Variants in LRBA observed in about 807,000 individuals in gnomAD.
LRBA encodes the protein lipopolysaccharide-responsive and beige-like anchor protein.
LRBA carries 176 observed loss-of-function variants against 330.0 expected under a neutral mutation model. That is an observed-to-expected ratio of 0.53 (90% CI 0.47 to 0.60). The LOEUF is 0.60. Ranked by LOEUF, LRBA falls within the 20% of genes least tolerant of loss-of-function variation. The probability of loss-of-function intolerance (pLI) is 0.00; values close to 1 mark genes in which losing one functional copy is unlikely to be tolerated. For missense variants in LRBA, 3,259 were observed against 3,444.8 expected (o/e 0.95, Z 1.35); for synonymous variants, 1,230 against 1,193.0 (o/e 1.03, Z -0.64).
chr4:150,392,662 T>C (rs1423224924), intron 47 of LRBA, among the ~76,000 whole-genome samples: 1 of 152,102 alleles, frequency 6.6e-6, no homozygotes, highest in African/African-American at 2.4e-5. Context: ...CTTGTGATTT[T>C]TGCACATCAA....
chr4:150,631,749 A>G (rs1777399317), intron 37 of LRBA, among the ~76,000 whole-genome samples: 1 of 152,228 alleles, frequency 6.6e-6, no homozygotes, highest in African/African-American at 2.4e-5. Context: ...TACTGATGCC[A>G]TTAATAAAAA....
chr4:150,427,499 T>C (rs1270507683), intron 46 of LRBA, among the ~76,000 whole-genome samples: 1 of 151,790 alleles, frequency 6.6e-6, no homozygotes, highest in Non-Finnish European at 1.5e-5. Context: ...ATAAGTTACG[T>C]ATAAAAAGCA....
chr4:150,828,817 T>TA (rs1368169315), intron 29 of LRBA, among the ~76,000 whole-genome samples, 196 bp from the exon 30 acceptor site: 2 of 152,002 alleles, frequency 1.3e-5, no homozygotes, highest in Non-Finnish European at 2.9e-5. Flanking sequence ...GATGGTATAA[T>TA]AAAATAAATA....
intron 34 of LRBA, among the ~76,000 whole-genome samples, chr4:150,774,434 T>C (rs894137278): frequency 6.6e-5 from 10 of 152,162 alleles, no homozygotes; most frequent in African/African-American, 2.2e-4. Flanking sequence ...CTATCTCTTT[T>C]CCCTCTCGAT....
chr4:150,625,121 C>T (rs1311871123), intron 37 of LRBA, among the ~76,000 whole-genome samples: 1 of 152,140 alleles, frequency 6.6e-6, no homozygotes, highest in East Asian at 1.9e-4. Flanking sequence ...AGTGCTATTA[C>T]TTTAGAACAA....
intron 34 of LRBA, among the ~76,000 whole-genome samples, chr4:150,787,676 T>C (rs1181431815): frequency 4.6e-5 from 7 of 152,192 alleles, no homozygotes; most frequent in Admixed American, 3.9e-4. Flanking sequence ...AATCTAATTA[T>C]ACTTTTTTCA....
At chr4:150,522,410 A>G (rs1763016017) in intron 40 of LRBA, among the ~76,000 whole-genome samples, 1 of 152,236 alleles carries the variant, frequency 6.6e-6, no homozygotes, top group South Asian at 2.1e-4. Flanking sequence ...ATGTGACAAT[A>G]TTAGTATGAA....
intron 30 of LRBA, among the ~76,000 whole-genome samples, chr4:150,822,673 G>C (rs1432502642): frequency 6.6e-6 from 1 of 152,124 alleles, no homozygotes; most frequent in East Asian, 1.9e-4. Context: ...ACGATCCCTT[G>C]ATCCCATGAG....
intron 30 of LRBA, among the ~76,000 whole-genome samples, chr4:150,821,831 A>G: frequency 6.6e-6 from 1 of 152,178 alleles, no homozygotes; most frequent in East Asian, 1.9e-4. Flanking sequence ...TGGCATGGGA[A>G]TGAACACAAA....
chr4:150,758,809 A>C (rs1734678168), intron 35 of LRBA, among the ~76,000 whole-genome samples: 1 of 149,138 alleles, frequency 6.7e-6, no homozygotes, highest in Non-Finnish European at 1.5e-5. Flanking sequence ...TCTTGGGCTC[A>C]AGCGATCCTC....
At chr4:150,733,973 G>C (rs1730856843) in intron 36 of LRBA, among the ~76,000 whole-genome samples, 1 of 152,010 alleles carries the variant, frequency 6.6e-6, no homozygotes, top group Admixed American at 6.6e-5. Context: ...TTCTTTACTA[G>C]CATTTATATT....
In LRBA at chr4:151,003,312, G is replaced by A. The variant is rs149967969; in HGVS notation, c.216+11115C>T. On this transcript the variant is annotated intron_variant, in intron 2 of 56. Transcript: ENST00000651943. ...CTTGGGAGGCTGAGGCAGAAGGATC[G>A]CTTGAACCTGGGAGGCGAAGGTTAC... 5.1e-4 allele frequency among the ~76,000 whole-genome samples: 76 copies of A among 150,008 alleles called. No homozygotes were observed. In the East Asian group the frequency reaches 0.012, roughly 23 times the overall value.
intron 36 of LRBA, among the ~76,000 whole-genome samples, chr4:150,690,558 G>GA (rs1784036385): frequency 6.7e-6 from 1 of 148,752 alleles, no homozygotes; most frequent in Non-Finnish European, 1.5e-5. Context: ...AAAGTTGTAA[G>GA]ACTTCACACC....
intron 17 of LRBA, among the ~76,000 whole-genome samples, chr4:150,882,428 T>G (rs1332904919): frequency 1.3e-5 from 2 of 152,168 alleles, no homozygotes; most frequent in East Asian, 3.8e-4. Context: ...TCAATGAAAT[T>G]TATATATTTA....
chr4:150,955,797 C>T (rs991040874), intron 2 of LRBA, among the ~76,000 whole-genome samples: 1 of 148,082 alleles, frequency 6.8e-6, no homozygotes, highest in East Asian at 1.9e-4. Context: ...GAGGCTGAGA[C>T]AGGAGAATCA....
chr4:150,953,685 G>A (rs946328399), intron 2 of LRBA, among the ~76,000 whole-genome samples: 1 of 152,020 alleles, frequency 6.6e-6, no homozygotes, highest in Non-Finnish European at 1.5e-5. Context: ...CCAGGCTGGA[G>A]TGCAGTGGTG....
intron 37 of LRBA, among the ~76,000 whole-genome samples, chr4:150,632,634 G>C (rs1200565914): frequency 6.6e-6 from 1 of 151,976 alleles, no homozygotes; most frequent in African/African-American, 2.4e-5. Flanking sequence ...GCTTATCCTA[G>C]CTCTCCTCCT....
rs542072164 is a variant in LRBA, at chr4:150,275,379, T to C, written c.8468+2474A>G. ...TTTGAAAACTGGCACAAGACAAGGA[T>C]ATACCCTCTCTCACCACTCCTATTC... On this transcript the variant is annotated intron_variant, in intron 56 of 56. Coordinates refer to ENST00000651943, the MANE Select transcript of LRBA (RefSeq NM_001364905.1). 3.9e-5 allele frequency among the ~76,000 whole-genome samples: 6 copies of C among 152,206 alleles called. No individual in the cohort carries two copies. In the East Asian group the frequency reaches 1.2e-3, roughly 29 times the overall value.
chr4:150,503,504 C>A (rs974592898), intron 40 of LRBA, among the ~76,000 whole-genome samples: 6 of 152,094 alleles, frequency 3.9e-5, no homozygotes, highest in Non-Finnish European at 7.4e-5. Flanking sequence ...GGAGTGGACT[C>A]TACCAAACTC....
Sources: allele counts gnomAD v4.1 joint callset (sites outside exome capture counted in the v4.1 genomes callset), GRCh38; gene constraint gnomAD v4.1.1; transcripts MANE v1.5; gene names NCBI Gene and HGNC (gene_info 2026-07-23, HGNC 2026-07-21).